DGKI: variants seen among roughly 807,000 people sequenced by gnomAD.
DGKI encodes diacylglycerol kinase iota.
In DGKI, 55 loss-of-function variants were observed where a neutral mutation model predicts 147.5. The observed-to-expected ratio is 0.37, with a 90% confidence interval of 0.30 to 0.47. The LOEUF (loss-of-function observed/expected upper bound fraction) is 0.47. DGKI is among the 20% of genes least tolerant of loss of function. DGKI has a pLI of 1.00. For missense variants in DGKI, 1,007 were observed against 1,323.8 expected, an observed-to-expected ratio of 0.76 and a Z score of 3.71; for synonymous variants, 469 against 477.1, an observed-to-expected ratio of 0.98 and a Z score of 0.22.
intron 20 of DGKI, among the ~76,000 whole-genome samples, chr7:137,536,906 A>C (rs1036931008): frequency 4.0e-4 from 61 of 151,828 alleles, no homozygotes; most frequent in African/African-American, 1.4e-3. Context: ...AAAAAATTCA[A>C]AACAAATTAA....
At chr7:137,425,312 A>C (rs112855980) in intron 28 of DGKI, among the ~76,000 whole-genome samples, 5,810 of 152,248 alleles carry the variant, frequency 0.038, 163 homozygotes, top group Middle Eastern at 0.065. Flanking sequence ...CCTCTAGCAA[A>C]CTCCAACAGA....
chr7:137,576,759 G>A (rs1215089467), intron 17 of DGKI, among the ~76,000 whole-genome samples: 3 of 152,168 alleles, frequency 2.0e-5, no homozygotes, highest in Admixed American at 6.5e-5. Flanking sequence ...TTCTAAAATG[G>A]AGATTATCCT....
At chr7:137,833,380 G>T (rs1481542555) in intron 1 of DGKI, among the ~76,000 whole-genome samples, 2 of 152,164 alleles carry the variant, frequency 1.3e-5, no homozygotes, top group Non-Finnish European at 2.9e-5. Context: ...ATGGCAGCAG[G>T]CAAAGAGACA....
chr7:137,417,767 A>G (rs1379565164), intron 28 of DGKI, among the ~76,000 whole-genome samples: 1 of 152,154 alleles, frequency 6.6e-6, no homozygotes, highest in Non-Finnish European at 1.5e-5. Context: ...CTTCTAAAAG[A>G]GCCTTGAGAA....
At chr7:137,532,914 T>C (rs71541358) in intron 20 of DGKI, among the ~76,000 whole-genome samples, 9,725 of 152,210 alleles carry the variant, frequency 0.064, 369 homozygotes, top group African/African-American at 0.11. Flanking sequence ...ATTATATCAA[T>C]ATAACAATTA....
chr7:137,637,219 G>T (rs146017632), intron 6 of DGKI, among the ~76,000 whole-genome samples: 47 of 152,208 alleles, frequency 3.1e-4, no homozygotes, highest in African/African-American at 1.1e-3. Flanking sequence ...CTTCCTTACC[G>T]GTGTCACTTC....
intron 19 of DGKI, among the ~76,000 whole-genome samples, chr7:137,558,552 A>G (rs960588502): frequency 6.6e-6 from 1 of 151,628 alleles, no homozygotes; most frequent in Non-Finnish European, 1.5e-5. Context: ...TGCTGGGATT[A>G]TAGGTGTGAG....
At chr7:137,459,026 C>T (rs1439410924) in intron 27 of DGKI, among the ~76,000 whole-genome samples, 2 of 152,144 alleles carry the variant, frequency 1.3e-5, no homozygotes, top group Admixed American at 6.5e-5. Context: ...ATACACATTG[C>T]GTATCCTACT....
intron 1 of DGKI, among the ~76,000 whole-genome samples, chr7:137,825,668 A>G (rs1305726999): frequency 6.6e-6 from 1 of 151,534 alleles, no homozygotes; most frequent in Non-Finnish European, 1.5e-5. Flanking sequence ...ACACATACAC[A>G]CACTCACACA....
chr7:137,720,099 G>A (rs1424017328), intron 1 of DGKI, among the ~76,000 whole-genome samples: 1 of 152,026 alleles, frequency 6.6e-6, no homozygotes, highest in Admixed American at 6.5e-5. Flanking sequence ...CACATGCCCT[G>A]GTGAACACAG....
At chr7:137,818,897 T>G (rs979954857) in intron 1 of DGKI, among the ~76,000 whole-genome samples, 1 of 152,146 alleles carries the variant, frequency 6.6e-6, no homozygotes, top group Non-Finnish European at 1.5e-5. Context: ...CTAAGACAAT[T>G]AGAAATAACG....
chr7:137,425,118 CCCCTGAG>C (rs1472950689), intron 28 of DGKI, among the ~76,000 whole-genome samples: 4 of 150,674 alleles, frequency 2.7e-5, no homozygotes, highest in African/African-American at 1.0e-4. Context: ...TGACCCCTGA[CCCCTGAG>C]CAGCCTAGCT....
intron 24 of DGKI, among the ~76,000 whole-genome samples, 165 bp downstream of exon 24, chr7:137,469,385 A>G (rs905910993): frequency 4.6e-5 from 7 of 152,194 alleles, no homozygotes; most frequent in Admixed American, 3.3e-4. Flanking sequence ...GGACAGTGCA[A>G]TATCAGCAGG....
rs183299238 is a variant in DGKI at position 137,595,265 on chromosome 7, G to A, written c.1311+2582C>T. 2.8e-3 allele frequency among the ~76,000 whole-genome samples: 423 copies of A among 152,338 alleles called. 2 individuals carry two copies. Among genetic ancestry groups the A allele is most frequent in the African/African-American group, 9.7e-3 (405 of 41,574 alleles). ...AGGAGGCTGACAATGGCATCAGAGA[G>A]ATCACAGACATTCGAAACTGTAATC... On this transcript the variant is annotated intron_variant, in intron 12 of 32. Coordinates refer to ENST00000614521, the MANE Select transcript of DGKI (RefSeq NM_001321708.2).
chr7:137,657,311 G>A (rs2116262099), intron 3 of DGKI, among the ~76,000 whole-genome samples: 1 of 152,310 alleles, frequency 6.6e-6, no homozygotes, highest in South Asian at 2.1e-4. Flanking sequence ...AGTGAATTAA[G>A]GCACAGCAGG....
chr7:137,550,227 G>A (rs953848228), intron 20 of DGKI, among the ~76,000 whole-genome samples: 2 of 150,788 alleles, frequency 1.3e-5, no homozygotes, highest in African/African-American at 2.4e-5. Flanking sequence ...GTGCAGTGGT[G>A]TGATCTCGGC....
chr7:137,520,524 G>T (rs925024943), intron 21 of DGKI, among the ~76,000 whole-genome samples: 1 of 152,058 alleles, frequency 6.6e-6, no homozygotes, highest in Non-Finnish European at 1.5e-5. Context: ...GAGGTTTGGG[G>T]AATTGCTCCT....
At chr7:137,445,967 A>T (rs1306549801) in intron 27 of DGKI, among the ~76,000 whole-genome samples, 1 of 152,228 alleles carries the variant, frequency 6.6e-6, no homozygotes, top group East Asian at 1.9e-4. Flanking sequence ...AAGTAAGATG[A>T]GCTAATTTCT....
intron 6 of DGKI, among the ~76,000 whole-genome samples, chr7:137,630,056 T>C (rs1045950404): frequency 6.6e-6 from 1 of 152,226 alleles, no homozygotes; most frequent in African/African-American, 2.4e-5. Context: ...TATTGGATTA[T>C]AGTAAACAAG....
Sources: allele counts gnomAD v4.1 joint callset (sites outside exome capture counted in the v4.1 genomes callset), GRCh38; gene constraint gnomAD v4.1.1; transcripts MANE v1.5; gene names NCBI Gene and HGNC (gene_info 2026-07-23, HGNC 2026-07-21).